ROBO2: variants seen among roughly 807,000 people sequenced by gnomAD.
ROBO2 encodes the protein roundabout homolog 2.
Under a neutral mutation model 160.8 loss-of-function variants are expected in ROBO2, and 53 were observed. The ratio of observed to expected loss-of-function variants is 0.33; its 90% CI spans 0.26 to 0.41. The LOEUF (loss-of-function observed/expected upper bound fraction) is 0.41. Ranked by LOEUF, ROBO2 falls within the 10% of genes least tolerant of loss-of-function variation. ROBO2 has a pLI of 1.00. For synonymous variants in ROBO2, 664 were observed against 611.7 expected, an observed-to-expected ratio of 1.09 and a Z score of -1.26; for missense variants, 1,577 against 1,722.4, an observed-to-expected ratio of 0.92 and a Z score of 1.49.
chr3:76,154,730 C>T (rs957740814), intron 2 of ROBO2, among the ~76,000 whole-genome samples: 1 of 152,092 alleles, frequency 6.6e-6, no homozygotes, highest in African/African-American at 2.4e-5. Flanking sequence ...TGCAACTAGT[C>T]TTCAAACATT....
chr3:76,728,208 CAT>C (rs2093582990), intron 2 of ROBO2, among the ~76,000 whole-genome samples: 1 of 152,058 alleles, frequency 6.6e-6, no homozygotes, highest in South Asian at 2.1e-4. Context: ...ATTTTAGAAA[CAT>C]ATTCATTCTG....
At chr3:77,094,282 A>T (rs1373089846) in intron 1 of ROBO2, among the ~76,000 whole-genome samples, 1 of 152,144 alleles carries the variant, frequency 6.6e-6, no homozygotes, top group East Asian at 1.9e-4. Context: ...CCTTTCACTT[A>T]TATTTTCAAA....
rs149511452 is a variant in ROBO2 at position 77,414,844 on chromosome 3, T to C, written c.389-62570T>C. On this transcript the variant is annotated intron_variant, in intron 2 of 25. Coordinates refer to ENST00000461745, the Ensembl canonical transcript of ROBO2. ...GAGAACAGATTTCCAGACAGTGTTG[T>C]TGGAGTCTTTATCCATTGCATATGG... is the stretch of plus-strand genomic sequence containing the variant. 3.3e-5 allele frequency among the ~76,000 whole-genome samples: 5 copies of C among 152,364 alleles called. No individual in the cohort carries two copies. The East Asian group carries it at 9.6e-4, about 29-fold the overall frequency.
chr3:76,902,731 C>T (rs917469478), intron 2 of ROBO2, among the ~76,000 whole-genome samples: 2 of 151,092 alleles, frequency 1.3e-5, no homozygotes, highest in African/African-American at 4.9e-5. Flanking sequence ...TTTTACTTGA[C>T]CACTATCCAA....
intron 2 of ROBO2, among the ~76,000 whole-genome samples, chr3:76,220,326 A>G (rs1703878183): frequency 6.6e-6 from 1 of 151,772 alleles, no homozygotes; most frequent in Non-Finnish European, 1.5e-5. Flanking sequence ...TTAAAGTATA[A>G]TAATAATAAT....
intron 2 of ROBO2, among the ~76,000 whole-genome samples, chr3:76,800,144 G>C (rs1175532341): frequency 6.6e-6 from 1 of 152,178 alleles, no homozygotes; most frequent in African/African-American, 2.4e-5. Flanking sequence ...TCAATAAATA[G>C]TGCTGGAAAA....
rs552064817 is a variant in ROBO2, at chr3:75,957,705, G to T, written c.109+20103G>T. Among the ~76,000 whole-genome samples, 221 of 144,316 alleles carry T rather than the reference G, an allele frequency of 1.5e-3. 2 individuals are homozygous for T. The highest frequency in any genetic ancestry group is 5.2e-3 in the African/African-American group (208 of 39,736). 94.7% of individuals were successfully genotyped at this position (144,316 alleles called of 152,430 possible). ...GATTTTGAAAAACATTACTAAGAGGGTTTTTTTTTTTCATCTTTGGAAAGT... is the reference window on the plus strand; with the variant it reads ...GATTTTGAAAAACATTACTAAGAGGTTTTTTTTTTTTCATCTTTGGAAAGT... On this transcript the variant is annotated intron_variant, in intron 2 of 26. Coordinates refer to the ROBO2 transcript ENST00000487694.
chr3:76,951,663 C>T (rs78382377), intron 2 of ROBO2, among the ~76,000 whole-genome samples: 2 of 152,126 alleles, frequency 1.3e-5, no homozygotes, highest in East Asian at 1.9e-4. Flanking sequence ...CAAGCATGTA[C>T]GATATGTGTG....
At chr3:77,624,612 C>T (rs2094968222) in intron 23 of ROBO2, among the ~76,000 whole-genome samples, 1 of 152,098 alleles carries the variant, frequency 6.6e-6, no homozygotes, top group Non-Finnish European at 1.5e-5. Flanking sequence ...ATGAGGTGGA[C>T]AATAAAACAG....
chr3:77,468,460 C>T (rs4684011), intron 2 of ROBO2, among the ~76,000 whole-genome samples: 40,346 of 152,004 alleles, frequency 0.27, 5,767 homozygotes, highest in South Asian at 0.39. Flanking sequence ...ACAGAGAGCG[C>T]GATGTTTCCA....
chr3:76,917,711 G>A (rs757866979), intron 2 of ROBO2, among the ~76,000 whole-genome samples: 1 of 151,594 alleles, frequency 6.6e-6, no homozygotes, highest in Non-Finnish European at 1.5e-5. Context: ...GGCATCTGTC[G>A]TTCACATATG....
intron 1 of ROBO2, among the ~76,000 whole-genome samples, chr3:77,063,124 A>G (rs1201338554): frequency 6.6e-6 from 1 of 152,206 alleles, no homozygotes; most frequent in Admixed American, 6.6e-5. Context: ...CTATTAAAGC[A>G]TATAGGGTGG....
At chr3:76,302,975 T>A (rs185398511) in intron 2 of ROBO2, among the ~76,000 whole-genome samples, 49 of 152,258 alleles carry the variant, frequency 3.2e-4, no homozygotes, top group African/African-American at 1.1e-3. Context: ...TAAAAAATTT[T>A]AAAAATAAAC....
rs62251223 is a variant in ROBO2, at chr3:77,318,647, C to T, written c.389-158767C>T. Among the ~76,000 whole-genome samples the T allele has an allele frequency of 4.1e-3, 625 of 152,260 alleles. 3 individuals carry two copies. The highest frequency in any genetic ancestry group is 0.014 in the Middle Eastern group (4 of 294). On this transcript the variant is annotated intron_variant, in intron 2 of 25. Transcript: ENST00000461745. Reference sequence around the variant, plus strand: ...TGAGCAAACTACTTAGCACAAATTACTTAAACCTCGATGTTCTCATCTATA... The same window carrying T: ...TGAGCAAACTACTTAGCACAAATTATTTAAACCTCGATGTTCTCATCTATA...
At chr3:76,294,375 C>T (rs984406691) in intron 2 of ROBO2, among the ~76,000 whole-genome samples, 6 of 152,122 alleles carry the variant, frequency 3.9e-5, no homozygotes, top group East Asian at 1.9e-4. Context: ...CACGCCTCCC[C>T]GACTGCCATC....
chr3:77,645,182 A>G (rs187827478), intron 25 of ROBO2, among the ~76,000 whole-genome samples: 1 of 152,328 alleles, frequency 6.6e-6, no homozygotes, highest in African/African-American at 2.4e-5. Context: ...GAAATTAAAT[A>G]TAGAGTGTTT....
At chr3:76,605,080 C>A (rs1164499771) in intron 2 of ROBO2, among the ~76,000 whole-genome samples, 1 of 152,138 alleles carries the variant, frequency 6.6e-6, no homozygotes, top group East Asian at 1.9e-4. Flanking sequence ...AATTACATTG[C>A]AAGCTTGTAA....
At chr3:77,223,801 AT>A (rs1333408107) in intron 2 of ROBO2, among the ~76,000 whole-genome samples, 26 of 151,794 alleles carry the variant, frequency 1.7e-4, no homozygotes, top group Non-Finnish European at 3.2e-4. Context: ...GAAGTATCTC[AT>A]TTTTTCTTCC....
intron 2 of ROBO2, among the ~76,000 whole-genome samples, chr3:77,033,259 A>C (rs941199600): frequency 6.6e-6 from 1 of 152,188 alleles, no homozygotes; most frequent in Non-Finnish European, 1.5e-5. Flanking sequence ...CTCTTTGCAG[A>C]GATAATTGAG....
Sources: allele counts gnomAD v4.1 joint callset (sites outside exome capture counted in the v4.1 genomes callset), GRCh38; gene constraint gnomAD v4.1.1; transcripts MANE v1.5; gene names NCBI Gene and HGNC (gene_info 2026-07-23, HGNC 2026-07-21).